FHIT: variants seen among roughly 807,000 people sequenced by gnomAD.
The protein encoded by FHIT is fragile histidine triad diadenosine triphosphatase.
FHIT carries 19 observed loss-of-function variants against 17.9 expected under a neutral mutation model. The observed-to-expected ratio is 1.06, with a 90% CI of 0.74 to 1.56. FHIT has a LOEUF of 1.56. FHIT is among the 40% of genes most tolerant of loss of function. The pLI is 0.00. For synonymous variants in FHIT, 81 were observed against 69.7 expected, an observed-to-expected ratio of 1.16 and a Z score of -0.81; for missense variants, 248 against 189.2, an observed-to-expected ratio of 1.31 and a Z score of -1.82.
chr3:60,520,953 C>T (rs2035335503), intron 5 of FHIT, among the ~76,000 whole-genome samples: 1 of 151,668 alleles, frequency 6.6e-6, no homozygotes, highest in African/African-American at 2.4e-5. Flanking sequence ...ACTACCATGC[C>T]TCATAGAAGA....
intron 5 of FHIT, among the ~76,000 whole-genome samples, chr3:60,358,614 T>C (rs115134707): frequency 0.011 from 1,600 of 152,320 alleles, 12 homozygotes; most frequent in Middle Eastern, 0.014. Context: ...AGAAAGAGCA[T>C]AGTGAAAGGC....
chr3:60,054,098 T>C (rs769917952), intron 5 of FHIT, among the ~76,000 whole-genome samples: 5 of 152,208 alleles, frequency 3.3e-5, no homozygotes, highest in Admixed American at 1.3e-4. Context: ...ATATGAGCTA[T>C]GATAGGAAAA....
chr3:60,310,591 G>C (rs944046149), intron 5 of FHIT, among the ~76,000 whole-genome samples: 1 of 152,058 alleles, frequency 6.6e-6, no homozygotes, highest in Admixed American at 6.6e-5. Flanking sequence ...AGAGCTAACA[G>C]CTACTGGGGA....
chr3:60,452,304 C>A (rs2031803024), intron 5 of FHIT, among the ~76,000 whole-genome samples: 1 of 152,112 alleles, frequency 6.6e-6, no homozygotes, highest in South Asian at 2.1e-4. Context: ...TGCTTTATCT[C>A]ATTTCAGTAT....
At chr3:59,986,498 A>AAT (rs74199531) in intron 7 of FHIT, among the ~76,000 whole-genome samples, 42 of 62,324 alleles carry the variant, frequency 6.7e-4, no homozygotes, top group African/African-American at 2.8e-3. Flanking sequence ...AGTAGTCCAA[A>AAT]ATATATATAT....
At chr3:60,368,287 A>T (rs1466023722) in intron 5 of FHIT, among the ~76,000 whole-genome samples, 2 of 150,818 alleles carry the variant, frequency 1.3e-5, no homozygotes, top group Non-Finnish European at 2.9e-5. Context: ...CATTTCTGTT[A>T]TTCCATCATC....
At chr3:59,795,559 C>A (rs1408310051) in intron 8 of FHIT, among the ~76,000 whole-genome samples, 1 of 151,462 alleles carries the variant, frequency 6.6e-6, no homozygotes, top group South Asian at 2.1e-4. Context: ...CTCATCTCTA[C>A]CAAAAAATAC....
At chr3:61,207,401 C>T (rs1056425250) in intron 1 of FHIT, among the ~76,000 whole-genome samples, 1 of 152,156 alleles carries the variant, frequency 6.6e-6, no homozygotes, top group African/African-American at 2.4e-5. Flanking sequence ...CTGGTACCAG[C>T]TCCTCCTTGT....
rs199903178 is a variant in FHIT at position 61,055,117 on chromosome 3, G to GA, written c.-163-13019dup. Among the ~76,000 whole-genome samples the GA allele has an allele frequency of 7.1e-4, 108 of 151,940 alleles. 1 individual carries two copies. The East Asian group carries it at 0.018, about 25-fold the overall frequency. On this transcript the variant is annotated intron_variant, in intron 2 of 9. Transcript: ENST00000492590. ...GTTTGTTTGTTTGTTTGTTTTTCAG[G>GA]AAAAAAAGGCATCTGTGATGCGTCT...
At chr3:60,423,158 C>T (rs928199271) in intron 5 of FHIT, among the ~76,000 whole-genome samples, 7 of 152,022 alleles carry the variant, frequency 4.6e-5, no homozygotes, top group Non-Finnish European at 8.8e-5. Context: ...GAATTAAGCA[C>T]TATAGATGGT....
rs139811493 is a variant in FHIT at position 60,777,249 on chromosome 3, G to A, written c.-18+44670C>T. Among the ~76,000 whole-genome samples, 203 of 152,334 alleles carry A rather than the reference G, an allele frequency of 1.3e-3. 1 individual carries two copies. The East Asian group carries it at 0.028, about 21-fold the overall frequency. On this transcript the variant is annotated intron_variant, in intron 4 of 9. Coordinates refer to ENST00000492590, the MANE Select transcript of FHIT (RefSeq NM_002012.4). ...GTCCTGAGAACATGTGCCCAAGGTG[G>A]TCAGGGTATAGCTTGGTTTGATATA...
intron 3 of FHIT, among the ~76,000 whole-genome samples, chr3:60,933,608 T>C (rs1343316684): frequency 6.6e-6 from 1 of 152,194 alleles, no homozygotes; most frequent in Non-Finnish European, 1.5e-5. Flanking sequence ...TTCACTTTCT[T>C]ATTATTTTTC....
At chr3:60,469,540 C>T (rs1340505462) in intron 5 of FHIT, among the ~76,000 whole-genome samples, 1 of 152,266 alleles carries the variant, frequency 6.6e-6, no homozygotes, top group East Asian at 1.9e-4. Flanking sequence ...TCTAATACAA[C>T]TCTGAACTCC....
chr3:59,803,631 T>C (rs1700085962), intron 8 of FHIT, among the ~76,000 whole-genome samples: 1 of 152,194 alleles, frequency 6.6e-6, no homozygotes, highest in African/African-American at 2.4e-5. Context: ...CATCAGGAGA[T>C]TCTGCTAAGT....
At chr3:60,205,928 G>A (rs1703150867) in intron 5 of FHIT, among the ~76,000 whole-genome samples, 1 of 151,090 alleles carries the variant, frequency 6.6e-6, no homozygotes, top group African/African-American at 2.4e-5. Context: ...CTAACACGGT[G>A]AAACCCCGTC....
chr3:60,414,433 A>G (rs938959922), intron 5 of FHIT, among the ~76,000 whole-genome samples: 3 of 152,178 alleles, frequency 2.0e-5, no homozygotes, highest in African/African-American at 7.2e-5. Context: ...TGACAATATC[A>G]GTGCCAAATT....
At chr3:60,473,689 T>G (rs190230780) in intron 5 of FHIT, among the ~76,000 whole-genome samples, 2 of 152,068 alleles carry the variant, frequency 1.3e-5, no homozygotes, top group South Asian at 4.1e-4. Flanking sequence ...GAGGCAAAGG[T>G]TGGTAGATTG....
intron 3 of FHIT, among the ~76,000 whole-genome samples, chr3:61,024,951 G>A (rs1379833387): frequency 6.6e-6 from 1 of 151,886 alleles, no homozygotes; most frequent in Non-Finnish European, 1.5e-5. Flanking sequence ...TATAAAAGCT[G>A]TAAAGATACG....
chr3:61,183,091 G>A (rs1256804627), intron 2 of FHIT, among the ~76,000 whole-genome samples: 1 of 152,208 alleles, frequency 6.6e-6, no homozygotes, highest in Non-Finnish European at 1.5e-5. Context: ...CACAGTAGTA[G>A]AGGTCACTCC....
Sources: gnomAD v4.1 joint callset for allele counts (sites outside exome capture counted in the v4.1 genomes callset) on GRCh38, gnomAD v4.1.1 for gene constraint, MANE v1.5 for transcripts, NCBI Gene and HGNC (gene_info 2026-07-23, HGNC 2026-07-21) for gene names.